CSMD1: variants seen among roughly 807,000 people sequenced by gnomAD.
CSMD1 encodes CUB and sushi domain-containing protein 1.
CSMD1 carries 213 observed loss-of-function variants against 417.5 expected under a neutral mutation model. The ratio of observed to expected loss-of-function variants is 0.51; its 90% confidence interval spans 0.46 to 0.57. The LOEUF (loss-of-function observed/expected upper bound fraction) is 0.57, where lower values mean the gene tolerates loss of function less well. CSMD1 is among the 20% of genes least tolerant of loss of function. CSMD1 has a pLI of 0.00. For missense variants in CSMD1, 6,923 were observed against 4,529.7 expected, an observed-to-expected ratio of 1.53 and a Z score of -15.17; for synonymous variants, 2,862 against 1,736.8, an observed-to-expected ratio of 1.65 and a Z score of -16.11.
chr8:3,924,020 T>G (rs944482727), intron 5 of CSMD1, among the ~76,000 whole-genome samples: 1 of 152,268 alleles, frequency 6.6e-6, no homozygotes, highest in Non-Finnish European at 1.5e-5. Flanking sequence ...TTGCTGCTAA[T>G]AAGTGTCCTT....
intron 3 of CSMD1, among the ~76,000 whole-genome samples, chr8:4,211,902 A>C (rs1800334046): frequency 6.6e-6 from 1 of 152,212 alleles, no homozygotes; most frequent in Admixed American, 6.5e-5. Context: ...CATTCTTCCA[A>C]CATCATCAAT....
intron 3 of CSMD1, among the ~76,000 whole-genome samples, chr8:4,101,319 T>G (rs1288032128): frequency 4.6e-5 from 7 of 152,190 alleles, no homozygotes; most frequent in Non-Finnish European, 2.9e-5. Context: ...TGAACAGCTG[T>G]GGAAGGAAAG....
intron 27 of CSMD1, among the ~76,000 whole-genome samples, chr8:3,226,474 T>G (rs943133189): frequency 2.5e-4 from 38 of 150,212 alleles, no homozygotes; most frequent in Admixed American, 2.0e-4. Flanking sequence ...TCCTAGCTAC[T>G]CAGGAGGCTG....
intron 1 of CSMD1, among the ~76,000 whole-genome samples, chr8:4,655,118 G>T (rs1449153656): frequency 6.6e-6 from 1 of 151,146 alleles, no homozygotes; most frequent in South Asian, 2.1e-4. Flanking sequence ...CTAATTTCAA[G>T]GGTTTTGTCT....
At chr8:4,784,052 T>G (rs921954) in intron 1 of CSMD1, among the ~76,000 whole-genome samples, 59,966 of 152,088 alleles carry the variant, frequency 0.39, 12,179 homozygotes, top group South Asian at 0.49. Flanking sequence ...TTTGTAAACT[T>G]TAACATATTT....
chr8:3,039,294 C>T (rs983940912), intron 50 of CSMD1, among the ~76,000 whole-genome samples: 1 of 135,070 alleles, frequency 7.4e-6, no homozygotes, highest in Admixed American at 7.2e-5. Flanking sequence ...CTTTTCCTTA[C>T]TTCCTTCCTC....
intron 1 of CSMD1, among the ~76,000 whole-genome samples, chr8:4,787,112 G>A (rs1487661909): frequency 6.6e-6 from 1 of 152,202 alleles, no homozygotes; most frequent in Non-Finnish European, 1.5e-5. Context: ...GGCCTCCGCT[G>A]GCTCAACTTT....
intron 3 of CSMD1, among the ~76,000 whole-genome samples, chr8:4,145,146 G>A (rs956278015): frequency 6.6e-6 from 1 of 151,130 alleles, no homozygotes; most frequent in Non-Finnish European, 1.5e-5. Context: ...TTAGACACAT[G>A]TAATAAAAGG....
At chr8:3,521,282 C>G (rs917361135) in intron 10 of CSMD1, among the ~76,000 whole-genome samples, 1 of 152,196 alleles carries the variant, frequency 6.6e-6, no homozygotes, top group African/African-American at 2.4e-5. Flanking sequence ...TCCCTGTGCT[C>G]AGAGCCAAGT....
At position 3,988,229 on chromosome 8, in the gene CSMD1, A is replaced by G. The variant is rs371602835; in HGVS notation, c.818+9674T>C. On this transcript the variant is annotated intron_variant, in intron 5 of 69. Transcript: ENST00000635120. Reference sequence around the variant, plus strand: ...CTGTGAATCCTAAATCTGAAACTCAATATTGAACCTCGGCTTTCTGGATCA... The same window carrying G: ...CTGTGAATCCTAAATCTGAAACTCAGTATTGAACCTCGGCTTTCTGGATCA... 4.1e-4 allele frequency among the ~76,000 whole-genome samples: 63 copies of G among 152,250 alleles called. No individual in the cohort carries two copies. In the East Asian group the frequency reaches 8.7e-3, roughly 21 times the overall value.
chr8:4,663,440 T>A (rs1013476198), intron 1 of CSMD1, among the ~76,000 whole-genome samples: 18 of 152,176 alleles, frequency 1.2e-4, no homozygotes, highest in Admixed American at 3.3e-4. Context: ...TCATGTCCAG[T>A]AGTAACCCTG....
chr8:4,497,249 C>G (rs950602062), intron 2 of CSMD1, among the ~76,000 whole-genome samples: 2 of 152,188 alleles, frequency 1.3e-5, no homozygotes, highest in African/African-American at 2.4e-5. Context: ...CTAAACTCAT[C>G]TTCATCATGA....
intron 39 of CSMD1, among the ~76,000 whole-genome samples, chr8:3,155,359 A>ATTTGTTTTTTTTTTTTTTT (rs1819453722): frequency 2.3e-5 from 1 of 43,316 alleles, no homozygotes; most frequent in African/African-American, 7.0e-5. Flanking sequence ...CAAGGCTGGG[A>ATTTGTTTTTTTTTTTTTTT]TTTTTTTTTT....
intron 3 of CSMD1, among the ~76,000 whole-genome samples, chr8:4,083,170 G>C (rs938047080): frequency 4.6e-5 from 7 of 152,192 alleles, no homozygotes; most frequent in African/African-American, 1.7e-4. Context: ...TCTGGTTCTA[G>C]ATCCCTGAGG....
chr8:4,507,250 G>A (rs767863833), intron 2 of CSMD1, among the ~76,000 whole-genome samples: 18 of 152,152 alleles, frequency 1.2e-4, no homozygotes, highest in Admixed American at 3.3e-4. Flanking sequence ...AGTTAGCTCA[G>A]TATATTACTT....
chr8:3,332,967 A>G lies in CSMD1; in HGVS notation c.3631+10327T>C, dbSNP rs182016130. ...TTGTCAAGATACGGAGCCTGACTCA[A>G]TCCAGGGAAAGCCCTTGAAAGAGGG... On this transcript the variant is annotated intron_variant, in intron 23 of 69. Transcript: ENST00000635120. Among the ~76,000 whole-genome samples the G allele has an allele frequency of 2.9e-3, 438 of 152,318 alleles. 1 individual carries two copies. Among genetic ancestry groups the G allele is most frequent in the African/African-American group, 0.01 (421 of 41,566 alleles).
At chr8:3,764,568 C>A (rs1798168653) in intron 5 of CSMD1, among the ~76,000 whole-genome samples, 1 of 151,884 alleles carries the variant, frequency 6.6e-6, no homozygotes, top group Non-Finnish European at 1.5e-5. Flanking sequence ...TGAGTGTCTG[C>A]AAGAGAGGAT....
chr8:4,263,024 G>C (rs536954596), intron 3 of CSMD1, among the ~76,000 whole-genome samples: 2 of 152,182 alleles, frequency 1.3e-5, no homozygotes. Flanking sequence ...TGGCCAAATA[G>C]TCTAATGAAT....
chr8:3,676,525 A>T (rs1365450858), intron 7 of CSMD1, among the ~76,000 whole-genome samples: 1 of 152,246 alleles, frequency 6.6e-6, no homozygotes, highest in African/African-American at 2.4e-5. Context: ...AAGCATATAG[A>T]TCTTAAATAT....
Sources: gnomAD v4.1 joint callset for allele counts (sites outside exome capture counted in the v4.1 genomes callset) on GRCh38, gnomAD v4.1.1 for gene constraint, MANE v1.5 for transcripts, NCBI Gene and HGNC (gene_info 2026-07-23, HGNC 2026-07-21) for gene names.